The following CRYM variants were observed in gnomAD, a reference collection of about 807,000 sequenced individuals.
CRYM encodes the protein crystallin mu.
A neutral mutation model predicts 32.9 loss-of-function variants in CRYM; 18 were observed. The ratio of observed to expected loss-of-function variants is 0.55; its 90% CI spans 0.38 to 0.81. The LOEUF is 0.81. CRYM is among the 30% of genes least tolerant of loss of function. CRYM has a pLI of 0.00. For missense variants in CRYM, 337 were observed against 393.5 expected (o/e 0.86, Z 1.21); for synonymous variants, 153 against 152.4 (o/e 1.00, Z -0.03).
intron 1 of CRYM, among the ~76,000 whole-genome samples, chr16:21,285,814 T>C (rs1217657747): frequency 6.6e-6 from 1 of 152,242 alleles, no homozygotes; most frequent in African/African-American, 2.4e-5. Context: ...TTTTGTAAGC[T>C]ATGAATAGCT....
chr16:21,266,314 T>G (rs2152861854), intron 5 of CRYM, among the ~76,000 whole-genome samples: 1 of 152,324 alleles, frequency 6.6e-6, no homozygotes, highest in Non-Finnish European at 1.5e-5. Context: ...CTATAAAATG[T>G]TTATGATAAT....
chr16:21,267,398 A>C (rs565770893), intron 5 of CRYM, among the ~76,000 whole-genome samples, 156 bp downstream of exon 5: 1 of 152,272 alleles, frequency 6.6e-6, no homozygotes, highest in African/African-American at 2.4e-5. Flanking sequence ...GCACCCAGCC[A>C]AATATTGTTT....
intron 3 of CRYM, among the ~76,000 whole-genome samples, chr16:21,271,962 G>T (rs893875186): frequency 5.3e-5 from 8 of 151,520 alleles, no homozygotes; most frequent in African/African-American, 1.9e-4. Context: ...GGGTTCAAGC[G>T]ATTCTCATGC....
intron 5 of CRYM, among the ~76,000 whole-genome samples, chr16:21,264,369 T>C (rs562263342): frequency 6.6e-6 from 1 of 152,276 alleles, no homozygotes; most frequent in Admixed American, 6.5e-5. Flanking sequence ...CAAAGGGTTG[T>C]GTGAGGTCAC....
chr16:21,263,949 A>C (rs895408805), intron 5 of CRYM, among the ~76,000 whole-genome samples: 17 of 152,368 alleles, frequency 1.1e-4, no homozygotes, highest in African/African-American at 3.6e-4. Context: ...GAGAAACAGG[A>C]AATCTATTTG....
chr16:21,295,977 A>G (rs2152865671), intron 1 of CRYM, among the ~76,000 whole-genome samples: 1 of 152,320 alleles, frequency 6.6e-6, no homozygotes, highest in Admixed American at 6.5e-5. Context: ...CATCTCCTAT[A>G]TATGAAACTA....
intron 2 of CRYM, among the ~76,000 whole-genome samples, 169 bp from the exon 3 acceptor site, chr16:21,275,763 G>A (rs1268686882): frequency 6.6e-6 from 1 of 152,132 alleles, no homozygotes; most frequent in Non-Finnish European, 1.5e-5. Flanking sequence ...ATGCAACTTT[G>A]AACAAACACT....
At chr16:21,265,481 C>CAGGG (rs1335341754) in intron 5 of CRYM, among the ~76,000 whole-genome samples, 3 of 152,320 alleles carry the variant, frequency 2.0e-5, no homozygotes, top group African/African-American at 7.2e-5. Context: ...CTCTATCACC[C>CAGGG]AGGGCCTTGT....
intron 1 of CRYM, among the ~76,000 whole-genome samples, chr16:21,284,898 G>A (rs1461969594): frequency 6.6e-6 from 1 of 152,194 alleles, no homozygotes; most frequent in Non-Finnish European, 1.5e-5. Flanking sequence ...CACCAACAGT[G>A]TATAAGTGTT....
chr16:21,267,014 G>GA (rs934937751), intron 5 of CRYM, among the ~76,000 whole-genome samples: 29 of 151,384 alleles, frequency 1.9e-4, no homozygotes, highest in African/African-American at 5.3e-4. Flanking sequence ...CCCAAAAAAA[G>GA]AAAAAAAACT....
chr16:21,276,959 C>T (rs1597621184), intron 2 of CRYM, among the ~76,000 whole-genome samples: 1 of 152,148 alleles, frequency 6.6e-6, no homozygotes, highest in Non-Finnish European at 1.5e-5. Flanking sequence ...ATAAAAAGTA[C>T]TCCATAAACA....
At position 21,277,708 on chromosome 16, in the gene CRYM, G is replaced by C; in HGVS notation, c.171-124C>G. On this transcript the variant is annotated intron_variant, in intron 1 of 7. Coordinates refer to ENST00000572914, the MANE Select transcript of CRYM (RefSeq NM_001376256.1). This position sits in a 1 kb window ranked among gnomAD's most constrained non-coding sequence, Gnocchi z 4.2. ...CCCCACTGGCCCTCTTCCAGCCCCC[G>C]CATCCCTCTGCCCTTCCCTTAGACA... 9.7e-7 allele frequency: 1 copy of C among 1,036,240 alleles called. No individual in the cohort carries two copies. The highest frequency in any genetic ancestry group is 1.4e-6 in the Non-Finnish European group (1 of 696,374). The allele number at this position is 1,036,240 out of a possible 1,614,324, so 64.2% of individuals were successfully genotyped here.
In CRYM at chr16:21,277,987, G is replaced by A; in HGVS notation, c.170+95C>T. On this transcript the variant is annotated intron_variant, in intron 1 of 7. Coordinates refer to ENST00000572914, the MANE Select transcript of CRYM (RefSeq NM_001376256.1). The surrounding 1 kb of genome is among the most constrained non-coding windows in gnomAD (Gnocchi z 4.2). Reference sequence around the variant, plus strand: ...GCAGCTGTTAGCAACGGTTAGGCAAGCCGTCTCTTCCCTTCTCCCACCCCT... The same window carrying A: ...GCAGCTGTTAGCAACGGTTAGGCAAACCGTCTCTTCCCTTCTCCCACCCCT... The A allele has an allele frequency of 7.2e-7, 1 of 1,385,590 alleles. No homozygotes were observed. Among genetic ancestry groups the A allele is most frequent in the Non-Finnish European group, 9.7e-7 (1 of 1,029,916 alleles). The allele number at this position is 1,385,590 out of a possible 1,614,324, so 85.8% of individuals were successfully genotyped here.
At position 21,277,903 on chromosome 16, in the gene CRYM, A is replaced by C. The variant is rs796705367; in HGVS notation, c.170+179T>G. 1.1e-4 allele frequency among the ~76,000 whole-genome samples: 17 copies of C among 152,268 alleles called. No homozygotes were observed. The highest frequency in any genetic ancestry group is 3.9e-4 in the African/African-American group (16 of 41,540). Reference sequence around the variant, plus strand: ...CCTAGGTGGAGAGTGTGCTGAAATAAACAAGGTAACACCTGTAAAACGCCC... The same window carrying C: ...CCTAGGTGGAGAGTGTGCTGAAATACACAAGGTAACACCTGTAAAACGCCC... On this transcript the variant is annotated intron_variant, in intron 1 of 7. Coordinates refer to ENST00000572914, the MANE Select transcript of CRYM (RefSeq NM_001376256.1). The surrounding 1 kb of genome is among the most constrained non-coding windows in gnomAD (Gnocchi z 4.2).
intron 1 of CRYM, among the ~76,000 whole-genome samples, chr16:21,295,626 T>C (rs1327363682): frequency 6.6e-6 from 1 of 152,186 alleles, no homozygotes; most frequent in Non-Finnish European, 1.5e-5. Context: ...TATAAAGTTA[T>C]TTGTAATATC....
intron 1 of CRYM, among the ~76,000 whole-genome samples, chr16:21,287,497 A>G (rs2093409454): frequency 6.6e-6 from 1 of 152,200 alleles, no homozygotes; most frequent in South Asian, 2.1e-4. Flanking sequence ...AGGCCCTTAG[A>G]TAGCTTGAGG....
chr16:21,283,857 C>A (rs1452768288), intron 1 of CRYM: 1 of 152,270 alleles, frequency 6.6e-6, no homozygotes, highest in African/African-American at 2.4e-5. Context: ...GCTACAGACT[C>A]GCCCGCGGGC....
chr16:21,301,960 G>C (rs1219156780), intron 1 of CRYM, among the ~76,000 whole-genome samples: 1 of 152,190 alleles, frequency 6.6e-6, no homozygotes, highest in Admixed American at 6.5e-5. Flanking sequence ...GCTCCCCGAC[G>C]CCCGGGAGGC....
intron 7 of CRYM, 143 bp from the exon 8 acceptor site, chr16:21,258,988 G>A (rs1597611529): frequency 1.4e-6 from 1 of 703,360 alleles, no homozygotes; most frequent in Non-Finnish European, 2.6e-6. Context: ...CCAGAGATGA[G>A]CTCAGGCTTC....
Sources: gnomAD v4.1 joint callset for allele counts (sites outside exome capture counted in the v4.1 genomes callset) on GRCh38, gnomAD v4.1.1 for gene constraint, Gnocchi (gnomAD v3.1) non-coding constraint, MANE v1.5 for transcripts, NCBI Gene and HGNC (gene_info 2026-07-23, HGNC 2026-07-21) for gene names.